The following ATP13A5 variants were observed in gnomAD, a reference collection of about 807,000 sequenced individuals.
ATP13A5 encodes probable cation-transporting ATPase 13A5.
In ATP13A5, 149 loss-of-function variants were observed where a neutral mutation model predicts 150.2. The observed-to-expected ratio is 0.99, with a 90% CI of 0.87 to 1.14. ATP13A5 has a LOEUF of 1.14. ATP13A5 is among the 50% of genes most tolerant of loss of function. ATP13A5 has a pLI of 0.00. For synonymous variants in ATP13A5, 497 were observed against 522.2 expected, an observed-to-expected ratio of 0.95 and a Z score of 0.66; for missense variants, 1,383 against 1,449.3, an observed-to-expected ratio of 0.95 and a Z score of 0.74.
chr3:193,311,099 A>G (rs1261604573), intron 20 of ATP13A5, among the ~76,000 whole-genome samples: 1 of 152,214 alleles, frequency 6.6e-6, no homozygotes, highest in Non-Finnish European at 1.5e-5. Flanking sequence ...AAGCTGAGAA[A>G]CAAGGCTCTG....
rs1717662171 is a variant in ATP13A5, at chr3:193,285,073, T to C, written c.3067A>G (p.Ser1023Gly). Residue 1023 changes from serine (S) to glycine (G), a missense_variant, in exon 27 of 30, where the codon AGT becomes GGT. This residue lies in a region of ATP13A5 where 568 missense variants were observed against 621.5 expected (regional missense o/e 0.91). Transcript: ENST00000342358. Reference protein sequence around the residue: ...ANQSNFSTNVSLERNWTGNAT... With the variant: ...ANQSNFSTNVGLERNWTGNAT... ...TTTCCAGTCCAGTTTCTTTCCAAAC[T>C]CACATTTGTTGAAAAATTACTTTGG... 1 of 1,613,826 alleles carries C rather than the reference T, an allele frequency of 6.2e-7. No homozygotes were observed. The highest frequency in any genetic ancestry group is 8.5e-7 in the Non-Finnish European group (1 of 1,179,932).
At chr3:193,363,168 T>A (rs546215565) in intron 3 of ATP13A5, 68 bp downstream of exon 3, 18 of 1,515,182 alleles carry the variant, frequency 1.2e-5, no homozygotes, top group East Asian at 2.3e-5. Context: ...GGAACTTTCA[T>A]TTAATAAACA....
At chr3:193,338,149 T>G (rs1194801601) in intron 9 of ATP13A5, among the ~76,000 whole-genome samples, 1 of 152,204 alleles carries the variant, frequency 6.6e-6, no homozygotes, top group Non-Finnish European at 1.5e-5. Context: ...CGATGGGGTT[T>G]TCTAAATATA....
At chr3:193,285,876 T>G (rs1191070798) in intron 26 of ATP13A5, among the ~76,000 whole-genome samples, 1 of 152,230 alleles carries the variant, frequency 6.6e-6, no homozygotes, top group Non-Finnish European at 1.5e-5. Context: ...AAAAAAATGT[T>G]ATCTCGGTTA....
intron 17 of ATP13A5, among the ~76,000 whole-genome samples, chr3:193,315,939 TAAC>T (rs1719036168): frequency 6.6e-6 from 1 of 152,052 alleles, no homozygotes; most frequent in Non-Finnish European, 1.5e-5. Flanking sequence ...TTATATCCAT[TAAC>T]AACAACTTCC....
At chr3:193,347,682 G>A (rs190924004) in intron 7 of ATP13A5, among the ~76,000 whole-genome samples, 2 of 152,222 alleles carry the variant, frequency 1.3e-5, no homozygotes, top group Admixed American at 6.5e-5. Flanking sequence ...TGGTTTATTA[G>A]ACTTAGCATT....
intron 12 of ATP13A5, among the ~76,000 whole-genome samples, chr3:193,329,123 T>C (rs1392406266): frequency 6.6e-6 from 1 of 152,038 alleles, no homozygotes; most frequent in Non-Finnish European, 1.5e-5. Flanking sequence ...TGCACGCCTG[T>C]AATCCCAGCT....
At chr3:193,303,457 G>T (rs1718483717) in intron 23 of ATP13A5, among the ~76,000 whole-genome samples, 2 of 152,012 alleles carry the variant, frequency 1.3e-5, no homozygotes, top group African/African-American at 2.4e-5. Flanking sequence ...TTTTGTGTGT[G>T]TATGTGTGTG....
At chr3:193,315,428 CT>C (rs1293891433) in intron 17 of ATP13A5, among the ~76,000 whole-genome samples, 1 of 152,056 alleles carries the variant, frequency 6.6e-6, no homozygotes, top group African/African-American at 2.4e-5. Context: ...AGTGCTTTGT[CT>C]TTTTTGAGCT....
chr3:193,279,347 G>A lies in ATP13A5; in HGVS notation c.3315+19C>T. On this transcript the variant is annotated intron_variant, in intron 28 of 29. Transcript: ENST00000342358. ...CATGTACATGAGTCATGCCAGATGT[G>A]CAAATGAATGCCACTTACCTCCATT... The A allele has an allele frequency of 6.3e-7, 1 of 1,579,526 alleles. No homozygotes were observed. The highest frequency in any genetic ancestry group is 8.7e-7 in the Non-Finnish European group (1 of 1,148,812).
At chr3:193,302,754 G>A (rs1378335028) in intron 23 of ATP13A5, among the ~76,000 whole-genome samples, 2 of 152,142 alleles carry the variant, frequency 1.3e-5, no homozygotes, top group East Asian at 3.9e-4. Flanking sequence ...AAAATCCGTG[G>A]ATTTGATCCT....
intron 9 of ATP13A5, among the ~76,000 whole-genome samples, chr3:193,338,532 C>T (rs1209724979): frequency 6.6e-6 from 1 of 152,128 alleles, no homozygotes; most frequent in Non-Finnish European, 1.5e-5. Context: ...TGCTGGATTA[C>T]ATTTATTGAT....
At position 193,324,986 on chromosome 3, in the gene ATP13A5, C is replaced by T; in HGVS notation, c.1552G>A (p.Gly518Ser). The T allele has an allele frequency of 1.9e-6, 3 of 1,613,540 alleles. No homozygotes were observed. The highest frequency in any genetic ancestry group is 2.5e-6 in the Non-Finnish European group (3 of 1,179,808). Residue 518 changes from glycine (G) to serine (S), a missense_variant, in exon 14 of 30, where the codon GGC (glycine) becomes AGC (serine). Transcript: ENST00000342358. ...CFQEAHSFAS[G>S]QAVPWSPLCA... is the part of the protein sequence containing the mutation. ...AGTGGGCTCCATGGCACAGCCTGGC[C>T]TGAGGCAAAGCTGTGGGCTTCCTGG...
In ATP13A5 at chr3:193,378,144, GT is replaced by G. The variant is rs373691796; in HGVS notation, c.63+518del. Reference sequence around the variant, plus strand: ...GGAAAAAATTGGAGACATGAGAAATGTTTAAAATATGTGTTAAAAATCCCAG... The same window carrying G: ...GGAAAAAATTGGAGACATGAGAAATGTTAAAATATGTGTTAAAAATCCCAG... On this transcript the variant is annotated intron_variant, in intron 1 of 29. Transcript: ENST00000342358. Among the ~76,000 whole-genome samples, 45 of 152,166 alleles carry G rather than the reference GT, an allele frequency of 3.0e-4. 1 individual carries two copies. Among genetic ancestry groups the G allele is most frequent in the African/African-American group, 5.8e-4 (24 of 41,522 alleles).
intron 25 of ATP13A5, among the ~76,000 whole-genome samples, chr3:193,298,848 G>A (rs7648473): frequency 0.86 from 130,213 of 152,158 alleles, 55,764 homozygotes; most frequent in East Asian, 0.98. Context: ...CCCTTTCTAG[G>A]TTTTGTATTC....
intron 25 of ATP13A5, among the ~76,000 whole-genome samples, chr3:193,293,187 G>C (rs1389544296): frequency 1.3e-5 from 2 of 152,026 alleles, no homozygotes; most frequent in Non-Finnish European, 2.9e-5. Context: ...GCAGTATGAT[G>C]CATCTCAAAA....
Position 193,274,985 on chromosome 3 carries a change from T to C in ATP13A5, c.*57A>G. The C allele has an allele frequency of 6.3e-7, 1 of 1,592,894 alleles. No homozygotes were observed. The highest frequency in any genetic ancestry group is 8.6e-7 in the Non-Finnish European group (1 of 1,167,566). ...GGAGAGTATCATCACTTCTCCACAATGTGTTAATTTTGGGGAAAAAAGCAA... is the reference window on the plus strand; with the variant it reads ...GGAGAGTATCATCACTTCTCCACAACGTGTTAATTTTGGGGAAAAAAGCAA... On this transcript the variant is annotated 3_prime_UTR_variant, in exon 30 of 30. Coordinates refer to ENST00000342358, the MANE Select transcript of ATP13A5 (RefSeq NM_198505.4).
Position 193,364,162 on chromosome 3 carries a change from GCCCACA to G in ATP13A5, c.176_181del (p.Val59_Trp60del), listed in dbSNP as rs560977025. On this transcript the variant is annotated inframe_deletion, in exon 2 of 30. Coordinates refer to ENST00000342358, the MANE Select transcript of ATP13A5 (RefSeq NM_198505.4). ...TTGCAAGGGGCATGGGATGCAGTTG[GCCCACA>G]CTCTCCACTGGGGTCTCCAGTAGAA... is the stretch of plus-strand genomic sequence containing the variant. 5.8e-4 allele frequency: 932 copies of G among 1,614,002 alleles called. 8 individuals are homozygous for G. In the African/African-American group the frequency reaches 0.011, roughly 19 times the overall value.
In ATP13A5 at chr3:193,276,774, T is replaced by C. The variant is rs1717230389; in HGVS notation, c.3372A>G (p.Gln1124=). Residue 1124 remains glutamine (Q), a synonymous_variant, in exon 29 of 30, where the codon CAA becomes CAG. Coordinates refer to ENST00000342358, the MANE Select transcript of ATP13A5 (RefSeq NM_198505.4). ...CCTCTACAAAGAAAGCCACACAGAA[T>C]TGGGTGAGGGCTACCACCAAAATTA... ...RVLILVVALT[Q]FCVAFFVEDS... 3 of 1,612,630 alleles carry C rather than the reference T, an allele frequency of 1.9e-6. No homozygotes were observed. Among genetic ancestry groups the C allele is most frequent in the Admixed American group, 3.3e-5 (2 of 59,918 alleles).
Sources: allele counts gnomAD v4.1 joint callset (sites outside exome capture counted in the v4.1 genomes callset), GRCh38; gene constraint gnomAD v4.1.1; regional missense constraint gnomAD v4.1.1; transcripts MANE v1.5; gene names NCBI Gene and HGNC (gene_info 2026-07-23, HGNC 2026-07-21).